The following MAGI2 variants were observed in gnomAD, a reference collection of about 807,000 sequenced individuals.
The protein encoded by MAGI2 is membrane-associated guanylate kinase, WW and PDZ domain-containing protein 2.
A neutral mutation model predicts 133.3 loss-of-function variants in MAGI2; 35 were observed. The ratio of observed to expected loss-of-function variants is 0.26; its 90% confidence interval spans 0.20 to 0.35. The LOEUF is 0.35. Ranked by LOEUF, MAGI2 falls within the 10% of genes least tolerant of loss-of-function variation. The pLI, the probability that MAGI2 is intolerant of heterozygous loss-of-function variation, is 1.00. For synonymous variants in MAGI2, 729 were observed against 710.6 expected, an observed-to-expected ratio of 1.03 and a Z score of -0.41; for missense variants, 1,636 against 1,863.4, an observed-to-expected ratio of 0.88 and a Z score of 2.25.
chr7:78,459,354 G>A lies in MAGI2; in HGVS notation c.1045+30407C>T, dbSNP rs113700680. ...AACTTTGGTGAGTAGAGAGTCTTGA[G>A]CAAAAGGTAGTATTAACACGTTTAT... On this transcript the variant is annotated intron_variant, in intron 6 of 21. Transcript: ENST00000354212. 5.6e-3 allele frequency among the ~76,000 whole-genome samples: 850 copies of A among 152,280 alleles called. 10 individuals carry two copies. The highest frequency in any genetic ancestry group is 0.019 in the African/African-American group (807 of 41,558).
At chr7:78,590,251 C>T (rs1803860459) in intron 3 of MAGI2, among the ~76,000 whole-genome samples, 1 of 152,156 alleles carries the variant, frequency 6.6e-6, no homozygotes, top group African/African-American at 2.4e-5. Flanking sequence ...GCTGAGTGCC[C>T]TGGAACGCTA....
chr7:78,039,865 G>A (rs1810617635), intron 21 of MAGI2, among the ~76,000 whole-genome samples: 1 of 152,212 alleles, frequency 6.6e-6, no homozygotes, highest in Non-Finnish European at 1.5e-5. Context: ...AATGTGGGGA[G>A]TTATTCCAGG....
chr7:78,864,902 T>C (rs866471306), intron 2 of MAGI2, among the ~76,000 whole-genome samples: 1 of 152,150 alleles, frequency 6.6e-6, no homozygotes, highest in African/African-American at 2.4e-5. Flanking sequence ...AAGAAACACA[T>C]GTGAGCAAAG....
At chr7:79,014,992 G>A (rs1808542907) in intron 1 of MAGI2, among the ~76,000 whole-genome samples, 1 of 152,120 alleles carries the variant, frequency 6.6e-6, no homozygotes, top group South Asian at 2.1e-4. Context: ...AAAAGAAAAT[G>A]CTCATACTTT....
intron 3 of MAGI2, among the ~76,000 whole-genome samples, chr7:78,596,960 C>G (rs919487883): frequency 6.6e-6 from 1 of 152,098 alleles, no homozygotes; most frequent in African/African-American, 2.4e-5. Context: ...ATGTGGCAGG[C>G]AGATCTGAGT....
chr7:78,693,646 A>T (rs1817201432), intron 2 of MAGI2, among the ~76,000 whole-genome samples: 1 of 152,078 alleles, frequency 6.6e-6, no homozygotes, highest in Non-Finnish European at 1.5e-5. Context: ...GGTAGATGAG[A>T]TTGTTGCCTT....
At chr7:79,113,866 T>G (rs896832344) in intron 1 of MAGI2, among the ~76,000 whole-genome samples, 13 of 151,750 alleles carry the variant, frequency 8.6e-5, no homozygotes, top group Non-Finnish European at 1.9e-4. Context: ...ATCAGGGAAC[T>G]TACCTTAATG....
At chr7:78,724,086 T>C (rs115954620) in intron 2 of MAGI2, among the ~76,000 whole-genome samples, 11,483 of 152,076 alleles carry the variant, frequency 0.076, 528 homozygotes, top group African/African-American at 0.12. Flanking sequence ...AAGGCTTTAA[T>C]TGGGTGCTGT....
intron 16 of MAGI2, among the ~76,000 whole-genome samples, chr7:78,143,466 A>G (rs1341163877): frequency 6.6e-6 from 1 of 152,158 alleles, no homozygotes; most frequent in East Asian, 1.9e-4. Flanking sequence ...ACAGAGCCTC[A>G]TCAAGTTATT....
At chr7:78,537,716 T>C (rs932713350) in intron 3 of MAGI2, among the ~76,000 whole-genome samples, 1 of 152,212 alleles carries the variant, frequency 6.6e-6, no homozygotes, top group African/African-American at 2.4e-5. Flanking sequence ...GATTTTTTCC[T>C]TGTAGTTCCT....
chr7:78,355,781 G>A (rs927445665), intron 7 of MAGI2, among the ~76,000 whole-genome samples: 10 of 152,108 alleles, frequency 6.6e-5, no homozygotes, highest in Admixed American at 2.6e-4. Context: ...TTTTCATTAC[G>A]AAATTGGAAA....
intron 16 of MAGI2, among the ~76,000 whole-genome samples, chr7:78,137,969 AT>A (rs1822340847): frequency 1.3e-5 from 2 of 152,214 alleles, no homozygotes; most frequent in Non-Finnish European, 2.9e-5. Flanking sequence ...TGTTTAAAAA[AT>A]ATCCTTAACA....
chr7:78,069,333 A>G (rs944075493), intron 21 of MAGI2, among the ~76,000 whole-genome samples: 1 of 152,204 alleles, frequency 6.6e-6, no homozygotes, highest in East Asian at 1.9e-4. Flanking sequence ...CTGGAATGAT[A>G]TTAATATTTT....
intron 2 of MAGI2, among the ~76,000 whole-genome samples, chr7:78,992,471 A>G (rs563582543): frequency 1.7e-4 from 26 of 150,170 alleles, no homozygotes; most frequent in African/African-American, 6.1e-4. Flanking sequence ...CTAACTGACC[A>G]TTTTTTTTTG....
At chr7:78,189,349 TG>T (rs1267819612) in intron 12 of MAGI2, among the ~76,000 whole-genome samples, 1 of 152,218 alleles carries the variant, frequency 6.6e-6, no homozygotes, top group Non-Finnish European at 1.5e-5. Flanking sequence ...TGAACTGGCG[TG>T]TGATCACTTT....
At chr7:79,192,203 C>T (rs1827734352) in intron 1 of MAGI2, among the ~76,000 whole-genome samples, 1 of 151,730 alleles carries the variant, frequency 6.6e-6, no homozygotes, top group South Asian at 2.1e-4. Context: ...CGTACTTTAC[C>T]TTTCAGCAAG....
intron 6 of MAGI2, among the ~76,000 whole-genome samples, chr7:78,479,337 A>G (rs9641412): frequency 0.37 from 56,324 of 151,786 alleles, 10,907 homozygotes; most frequent in East Asian, 0.6. Flanking sequence ...CCAAAATCCC[A>G]TATGGGTGAC....
chr7:78,983,336 A>G (rs1217955669), intron 2 of MAGI2, among the ~76,000 whole-genome samples: 1 of 152,012 alleles, frequency 6.6e-6, no homozygotes. Context: ...TTTTCTAAGT[A>G]TTATAAAACT....
chr7:78,161,698 A>AAAAAAAAAAAAAAAAC (rs1825028146), intron 15 of MAGI2, among the ~76,000 whole-genome samples: 1 of 150,976 alleles, frequency 6.6e-6, no homozygotes, highest in African/African-American at 2.4e-5. Flanking sequence ...GAAAAAAAAA[A>AAAAAAAAAAAAAAAAC]AGCTGTATTT....
Sources: gnomAD v4.1 joint callset for allele counts (sites outside exome capture counted in the v4.1 genomes callset) on GRCh38, gnomAD v4.1.1 for gene constraint, MANE v1.5 for transcripts, NCBI Gene and HGNC (gene_info 2026-07-23, HGNC 2026-07-21) for gene names.